The following LPP variants were observed in gnomAD, a reference collection of about 807,000 sequenced individuals.
The protein encoded by LPP is LIM domain containing preferred translocation partner in lipoma.
In LPP, 38 loss-of-function variants were observed where a neutral mutation model predicts 60.4. The ratio of observed to expected loss-of-function variants is 0.63; its 90% CI spans 0.49 to 0.83. The LOEUF is 0.83. Among genes scored for constraint, LPP ranks in the 40% least tolerant of loss-of-function variants. The pLI is 0.00. For synonymous variants in LPP, 328 were observed against 290.8 expected, an observed-to-expected ratio of 1.13 and a Z score of -1.30; for missense variants, 902 against 783.6, an observed-to-expected ratio of 1.15 and a Z score of -1.80.
chr3:188,798,370 C>T (rs77104062), intron 9 of LPP, among the ~76,000 whole-genome samples: 63 of 152,252 alleles, frequency 4.1e-4, no homozygotes, highest in African/African-American at 1.4e-3. Context: ...CAAATTACCA[C>T]ATAATAGACA....
At chr3:188,367,590 G>C (rs1232544404) in intron 3 of LPP, among the ~76,000 whole-genome samples, 2 of 152,138 alleles carry the variant, frequency 1.3e-5, no homozygotes, top group Non-Finnish European at 2.9e-5. Context: ...TAACATTCAG[G>C]AGTAAGGATG....
At chr3:188,749,852 T>C (rs1370569400) in intron 8 of LPP, among the ~76,000 whole-genome samples, 1 of 152,246 alleles carries the variant, frequency 6.6e-6, no homozygotes, top group African/African-American at 2.4e-5. Flanking sequence ...TTTTGTTCTA[T>C]ATTCTAAATT....
intron 5 of LPP, among the ~76,000 whole-genome samples, chr3:188,515,580 C>A (rs1308880686): frequency 1.3e-5 from 2 of 152,082 alleles, no homozygotes; most frequent in African/African-American, 4.8e-5. Flanking sequence ...ATGCTGTGTT[C>A]TCAGTTGTCA....
chr3:188,441,609 C>CTTTTTTTTTTTT lies in LPP; in HGVS notation c.193+35314_193+35325dup, dbSNP rs1004222826. ...ACAGTTTCTTTTTTTCTTTTCTTTTCTTTTTTTTTTTTTTTTTTTTTTTTT... is the reference window on the plus strand; with the variant it reads ...ACAGTTTCTTTTTTTCTTTTCTTTTCTTTTTTTTTTTTTTTTTTTTTTTTTTTTTTTTTTTTT... On this transcript the variant is annotated intron_variant, in intron 4 of 11. Transcript: ENST00000617246. 5.0e-3 allele frequency among the ~76,000 whole-genome samples: 279 copies of CTTTTTTTTTTTT among 55,544 alleles called. 29 individuals are homozygous for CTTTTTTTTTTTT. The highest frequency in any genetic ancestry group is 6.5e-3 in the Non-Finnish European group (192 of 29,352). 36.4% of individuals were successfully genotyped at this position (55,544 alleles called of 152,430 possible).
chr3:188,850,140 T>C (rs1157072743), intron 9 of LPP, among the ~76,000 whole-genome samples: 1 of 152,268 alleles, frequency 6.6e-6, no homozygotes, highest in Non-Finnish European at 1.5e-5. Flanking sequence ...TGATGTGCTA[T>C]TGTGTTTTAC....
intron 2 of LPP, among the ~76,000 whole-genome samples, chr3:188,317,968 T>C (rs1265152790): frequency 2.0e-5 from 3 of 152,174 alleles, no homozygotes; most frequent in African/African-American, 7.2e-5. Context: ...GCACTGTCTT[T>C]GGACCCTGTG....
intron 2 of LPP, among the ~76,000 whole-genome samples, chr3:188,332,361 C>CCAA (rs1388389783): frequency 2.0e-5 from 3 of 152,202 alleles, no homozygotes; most frequent in Non-Finnish European, 4.4e-5. Flanking sequence ...TTCACTTGAT[C>CCAA]ACTCAGTAAC....
chr3:188,731,461 G>A (rs1041395036), intron 8 of LPP, among the ~76,000 whole-genome samples: 4 of 146,250 alleles, frequency 2.7e-5, no homozygotes, highest in African/African-American at 9.8e-5. Flanking sequence ...TAGAAGCTGA[G>A]CTATAATTTT....
intron 3 of LPP, among the ~76,000 whole-genome samples, chr3:188,350,591 G>A (rs1287089943): frequency 6.6e-6 from 1 of 152,150 alleles, no homozygotes; most frequent in Non-Finnish European, 1.5e-5. Flanking sequence ...GAAGCCTCAA[G>A]AACTCTAGCT....
At chr3:188,524,440 T>C (rs193134335) in intron 5 of LPP, among the ~76,000 whole-genome samples, 199 of 152,308 alleles carry the variant, frequency 1.3e-3, no homozygotes, top group African/African-American at 4.7e-3. Context: ...GCTAAATAAG[T>C]GTGTGACCTG....
intron 1 of LPP, among the ~76,000 whole-genome samples, chr3:188,200,289 G>T (rs538878026): frequency 1.4e-5 from 2 of 138,626 alleles, no homozygotes; most frequent in East Asian, 2.1e-4. Context: ...CACTCTTGTT[G>T]CCCAGGCTGG....
rs1018423907 is a variant in LPP, at chr3:188,636,421, G to A, written c.1113+26577G>A. Reference sequence around the variant, plus strand: ...GGAGGGTCCTACCCCATGGAGTCTCGCTGATTCCTAGCACAGCAGTCTGAG... The same window carrying A: ...GGAGGGTCCTACCCCATGGAGTCTCACTGATTCCTAGCACAGCAGTCTGAG... On this transcript the variant is annotated intron_variant, in intron 7 of 11. Coordinates refer to ENST00000617246, the MANE Select transcript of LPP (RefSeq NM_001375462.1). Among the ~76,000 whole-genome samples, 14 of 152,280 alleles carry A rather than the reference G, an allele frequency of 9.2e-5. No individual in the cohort carries two copies. The South Asian group carries it at 2.5e-3, about 27-fold the overall frequency.
intron 3 of LPP, among the ~76,000 whole-genome samples, chr3:188,345,472 C>A (rs953838682): frequency 6.6e-6 from 1 of 152,074 alleles, no homozygotes; most frequent in African/African-American, 2.4e-5. Flanking sequence ...TGAGAATGAG[C>A]TCCTGTTTCC....
chr3:188,153,166 G>A (rs1715061957), upstream of LPP: 1 of 152,174 alleles, frequency 6.6e-6, no homozygotes, highest in Non-Finnish European at 1.5e-5. Context: ...CATCTAACCT[G>A]CTTCAAGGCT....
chr3:188,521,975 C>G (rs1818991115), intron 5 of LPP, among the ~76,000 whole-genome samples: 1 of 152,110 alleles, frequency 6.6e-6, no homozygotes, highest in South Asian at 2.1e-4. Context: ...TTTCCTTGTA[C>G]CAGGACCCCC....
intron 6 of LPP, among the ~76,000 whole-genome samples, chr3:188,566,151 T>C (rs1257398290): frequency 6.6e-6 from 1 of 151,988 alleles, no homozygotes; most frequent in Admixed American, 6.6e-5. Flanking sequence ...ATTTGAAAAT[T>C]ATACAGTTGT....
chr3:188,624,004 T>C (rs1401825387), intron 7 of LPP, among the ~76,000 whole-genome samples: 1 of 152,160 alleles, frequency 6.6e-6, no homozygotes, highest in Non-Finnish European at 1.5e-5. Flanking sequence ...ATATCAAAAA[T>C]TTTAGCCAAT....
intron 7 of LPP, among the ~76,000 whole-genome samples, chr3:188,687,799 A>G (rs1434169178): frequency 1.2e-4 from 14 of 114,632 alleles, no homozygotes; most frequent in South Asian, 1.2e-3. Context: ...TTTTGAGATG[A>G]AGTCTCGCTC....
chr3:188,572,207 G>A lies in LPP; in HGVS notation c.430-36954G>A, dbSNP rs1404080996. On this transcript the variant is annotated intron_variant, in intron 6 of 11. Coordinates refer to ENST00000617246, the MANE Select transcript of LPP (RefSeq NM_001375462.1). The surrounding 1 kb of genome is among the most constrained non-coding windows in gnomAD (Gnocchi z 4.1). ...TATTTTGCTTTTTATGTATGTAGAG[G>A]GGTGACATATGATAAAAAAACTATG... Among the ~76,000 whole-genome samples, 2 of 151,908 alleles carry A rather than the reference G, an allele frequency of 1.3e-5. No homozygotes were observed. Among genetic ancestry groups the A allele is most frequent in the African/African-American group, 4.8e-5 (2 of 41,368 alleles).
Sources: gnomAD v4.1 joint callset for allele counts (sites outside exome capture counted in the v4.1 genomes callset) on GRCh38, gnomAD v4.1.1 for gene constraint, Gnocchi (gnomAD v3.1) non-coding constraint, MANE v1.5 for transcripts, NCBI Gene and HGNC (gene_info 2026-07-23, HGNC 2026-07-21) for gene names.